Variants in FHIT observed in about 807,000 individuals in gnomAD.
FHIT encodes bis(5'-adenosyl)-triphosphatase.
A neutral mutation model predicts 17.9 loss-of-function variants in FHIT; 19 were observed. The ratio of observed to expected loss-of-function variants is 1.06; its 90% CI spans 0.74 to 1.56. The LOEUF (loss-of-function observed/expected upper bound fraction) is 1.56. Among genes scored for constraint, FHIT ranks in the 40% most tolerant of loss-of-function variants. The pLI is 0.00. For missense variants in FHIT, 248 were observed against 189.2 expected, an observed-to-expected ratio of 1.31 and a Z score of -1.82; for synonymous variants, 81 against 69.7, an observed-to-expected ratio of 1.16 and a Z score of -0.81.
intron 5 of FHIT, among the ~76,000 whole-genome samples, chr3:60,466,826 T>TC (rs1393345345): frequency 7.6e-5 from 5 of 66,106 alleles, no homozygotes; most frequent in South Asian, 6.7e-4. Flanking sequence ...GCCTGCAGTT[T>TC]TTTTTTTTTT....
intron 3 of FHIT, among the ~76,000 whole-genome samples, chr3:60,861,781 T>C (rs1468152510): frequency 6.6e-6 from 1 of 151,756 alleles, no homozygotes; most frequent in East Asian, 1.9e-4. Context: ...AAAAACAAAG[T>C]AAGAACCAAA....
chr3:60,140,484 T>C (rs912108215), intron 5 of FHIT, among the ~76,000 whole-genome samples: 1 of 151,988 alleles, frequency 6.6e-6, no homozygotes, highest in African/African-American at 2.4e-5. Flanking sequence ...GATAGTAACA[T>C]TGTATGGCCA....
intron 5 of FHIT, among the ~76,000 whole-genome samples, chr3:60,152,052 C>G (rs561471154): frequency 7.0e-4 from 107 of 152,234 alleles, no homozygotes; most frequent in African/African-American, 2.4e-3. Flanking sequence ...ATAAATGAAT[C>G]AATCAATAAA....
intron 5 of FHIT, among the ~76,000 whole-genome samples, chr3:60,478,764 A>G (rs1188257524): frequency 6.6e-6 from 1 of 152,190 alleles, no homozygotes; most frequent in Non-Finnish European, 1.5e-5. Context: ...TTTTTTGCAC[A>G]AATGAACAAA....
chr3:60,883,861 T>C (rs181836318), intron 3 of FHIT, among the ~76,000 whole-genome samples: 152 of 152,148 alleles, frequency 1.0e-3, no homozygotes, highest in Admixed American at 5.5e-3. Flanking sequence ...AATAGACAAA[T>C]GGGATTATAT....
chr3:60,849,441 A>AATATATATAT lies in FHIT; in HGVS notation c.-110-27440_-110-27431dup, dbSNP rs10662932. ...AGGACTTTTGTTAATACAAAAATGA[A>AATATATATAT]ATATATATATATATATATATATAAA... On this transcript the variant is annotated intron_variant, in intron 3 of 9. Transcript: ENST00000492590. Among the ~76,000 whole-genome samples the AATATATATAT allele has an allele frequency of 3.4e-3, 464 of 137,672 alleles. 9 individuals carry two copies. The highest frequency in any genetic ancestry group is 0.011 in the African/African-American group (400 of 36,398). 90.3% of individuals were successfully genotyped at this position (137,672 alleles called of 152,430 possible). A position where few individuals can be genotyped will look rare whatever the true frequency, so the allele number is the denominator to read the frequency against.
Position 60,334,794 on chromosome 3 carries a change from T to C in FHIT, c.103+202066A>G, listed in dbSNP as rs192795916. ...GCCTGGGCGACAGAGAGAGACTCCA[T>C]CTCAAGAACAAAACCAACAAACAAA... On this transcript the variant is annotated intron_variant, in intron 5 of 9. Transcript: ENST00000492590. Among the ~76,000 whole-genome samples the C allele has an allele frequency of 9.2e-5, 14 of 152,288 alleles. No individual in the cohort carries two copies. The East Asian group carries it at 2.7e-3, about 29-fold the overall frequency.
chr3:60,472,395 G>A (rs1305733080), intron 5 of FHIT, among the ~76,000 whole-genome samples: 1 of 136,890 alleles, frequency 7.3e-6, no homozygotes, highest in African/African-American at 2.8e-5. Flanking sequence ...TTGAGACGAA[G>A]TCTTGCTTTG....
At chr3:59,785,703 T>C (rs1486536129) in intron 8 of FHIT, among the ~76,000 whole-genome samples, 2 of 152,332 alleles carry the variant, frequency 1.3e-5, no homozygotes, top group Middle Eastern at 3.4e-3. Flanking sequence ...CAGTAGTTTC[T>C]AGACATGGCA....
chr3:59,958,596 T>C (rs912900004), intron 7 of FHIT, among the ~76,000 whole-genome samples: 4 of 152,230 alleles, frequency 2.6e-5, no homozygotes, highest in Admixed American at 6.5e-5. Context: ...CTCCATTCAA[T>C]TAGCTGCAGC....
chr3:60,184,238 T>G (rs935840021), intron 5 of FHIT, among the ~76,000 whole-genome samples: 1 of 152,116 alleles, frequency 6.6e-6, no homozygotes, highest in Non-Finnish European at 1.5e-5. Context: ...GCCTGGCCTC[T>G]GAGACATTAC....
intron 7 of FHIT, among the ~76,000 whole-genome samples, chr3:59,992,503 T>A (rs775199381): frequency 9.9e-5 from 15 of 152,004 alleles, no homozygotes; most frequent in Non-Finnish European, 1.6e-4. Context: ...CAACAACACA[T>A]CAGGATTTTC....
chr3:60,765,836 GAT>G, intron 4 of FHIT, among the ~76,000 whole-genome samples: 1 of 152,180 alleles, frequency 6.6e-6, no homozygotes, highest in Non-Finnish European at 1.5e-5. Flanking sequence ...AAGAAGGTGC[GAT>G]AAGCTGGCTT....
chr3:60,410,842 C>G (rs1471960113), intron 5 of FHIT, among the ~76,000 whole-genome samples: 1 of 152,124 alleles, frequency 6.6e-6, no homozygotes, highest in Non-Finnish European at 1.5e-5. Context: ...TATTTAATGA[C>G]TTCCTGCAAA....
intron 5 of FHIT, among the ~76,000 whole-genome samples, chr3:60,168,410 C>A (rs1455967660): frequency 1.3e-5 from 2 of 152,272 alleles, no homozygotes; most frequent in East Asian, 1.9e-4. Flanking sequence ...CCAATACCAA[C>A]CATCAAGCTA....
intron 5 of FHIT, among the ~76,000 whole-genome samples, chr3:60,218,327 G>C (rs1044112023): frequency 2.0e-5 from 3 of 152,118 alleles, no homozygotes; most frequent in African/African-American, 7.2e-5. Flanking sequence ...TTCAAGTAAT[G>C]TTGCTACCTT....
intron 4 of FHIT, among the ~76,000 whole-genome samples, chr3:60,660,190 A>T (rs2040207210): frequency 6.6e-6 from 1 of 152,180 alleles, no homozygotes; most frequent in South Asian, 2.1e-4. Flanking sequence ...CCTGGAAGTC[A>T]CTTCAGCTGG....
intron 5 of FHIT, among the ~76,000 whole-genome samples, chr3:60,239,414 A>G (rs987247126): frequency 2.6e-5 from 4 of 151,866 alleles, no homozygotes; most frequent in African/African-American, 9.7e-5. Context: ...AAAATAAAAA[A>G]CTTGGCTGGG....
At chr3:61,100,098 A>G (rs2035770025) in intron 2 of FHIT, among the ~76,000 whole-genome samples, 1 of 152,028 alleles carries the variant, frequency 6.6e-6, no homozygotes, top group Non-Finnish European at 1.5e-5. Context: ...TCTAGGGTAC[A>G]TGTGCACAAT....
Sources: allele counts gnomAD v4.1 joint callset (sites outside exome capture counted in the v4.1 genomes callset), GRCh38; gene constraint gnomAD v4.1.1; transcripts MANE v1.5; gene names NCBI Gene and HGNC (gene_info 2026-07-23, HGNC 2026-07-21).